Variants in SGPP2 observed in about 807,000 individuals in gnomAD.
The protein encoded by SGPP2 is sphingosine-1-phosphate phosphatase 2.
SGPP2 carries 30 observed loss-of-function variants against 33.9 expected under a neutral mutation model. The ratio of observed to expected loss-of-function variants is 0.89; its 90% confidence interval spans 0.66 to 1.20. The LOEUF (loss-of-function observed/expected upper bound fraction) is 1.20. SGPP2 is among the 50% of genes most tolerant of loss of function. The pLI, the probability that SGPP2 is intolerant of heterozygous loss-of-function variation, is 0.00. For missense variants in SGPP2, 458 were observed against 532.1 expected (o/e 0.86, Z 1.37); for synonymous variants, 233 against 225.0 (o/e 1.04, Z -0.32).
chr2:222,549,193 C>T (rs1212233838), intron 4 of SGPP2, among the ~76,000 whole-genome samples: 1 of 152,236 alleles, frequency 6.6e-6, no homozygotes, highest in African/African-American at 2.4e-5. Flanking sequence ...TAAATAGTTT[C>T]AAGATCTGAA....
intron 4 of SGPP2, among the ~76,000 whole-genome samples, chr2:222,556,116 G>A (rs1346568726): frequency 6.6e-6 from 1 of 152,164 alleles, no homozygotes; most frequent in Non-Finnish European, 1.5e-5. Context: ...TTTGAGAGTG[G>A]CGTATCATCT....
chr2:222,452,533 G>A, intron 1 of SGPP2: 1 of 1,032,686 alleles, frequency 9.7e-7, no homozygotes. Flanking sequence ...AAACTGGCAG[G>A]AGAATTTGGC....
intron 1 of SGPP2, among the ~76,000 whole-genome samples, chr2:222,446,240 G>A (rs1165082400): frequency 1.3e-5 from 2 of 152,170 alleles, no homozygotes; most frequent in African/African-American, 4.8e-5. Flanking sequence ...GTCATTGGAA[G>A]GTGGTGACTT....
intron 2 of SGPP2, among the ~76,000 whole-genome samples, chr2:222,480,511 A>C (rs989979913): frequency 3.3e-5 from 5 of 152,244 alleles, no homozygotes; most frequent in Non-Finnish European, 2.9e-5. Flanking sequence ...GCTGGTTCAA[A>C]GGTGAGCCAC....
At chr2:222,485,095 G>A (rs1698084745) in intron 2 of SGPP2, among the ~76,000 whole-genome samples, 1 of 152,194 alleles carries the variant, frequency 6.6e-6, no homozygotes, top group Non-Finnish European at 1.5e-5. Context: ...GACACAACCA[G>A]TAAATAGAAT....
At chr2:222,538,764 G>A (rs562550921) in intron 4 of SGPP2, among the ~76,000 whole-genome samples, 3 of 152,278 alleles carry the variant, frequency 2.0e-5, no homozygotes, top group African/African-American at 7.2e-5. Flanking sequence ...GCAAGAAAGA[G>A]AGTGGGGAGG....
intron 4 of SGPP2, among the ~76,000 whole-genome samples, chr2:222,537,361 G>C (rs1217613178): frequency 6.6e-6 from 1 of 151,960 alleles, no homozygotes; most frequent in Non-Finnish European, 1.5e-5. Context: ...ATAGACAAAG[G>C]GTAAATACAA....
At chr2:222,497,330 G>A (rs1698297624) in intron 2 of SGPP2, among the ~76,000 whole-genome samples, 1 of 141,654 alleles carries the variant, frequency 7.1e-6, no homozygotes. Context: ...TCGGCTCACT[G>A]CAACCTCCGC....
intron 2 of SGPP2, among the ~76,000 whole-genome samples, chr2:222,505,130 G>C (rs1285775489): frequency 6.6e-6 from 1 of 152,182 alleles, no homozygotes; most frequent in Non-Finnish European, 1.5e-5. Flanking sequence ...TGGATAGTGA[G>C]AGATATTCAT....
intron 1 of SGPP2, among the ~76,000 whole-genome samples, chr2:222,450,941 T>A (rs1206380053): frequency 3.3e-5 from 5 of 152,198 alleles, no homozygotes; most frequent in African/African-American, 9.7e-5. Flanking sequence ...ATCTTTTTTT[T>A]AACTATTTAA....
chr2:222,531,987 T>C (rs186555964), intron 4 of SGPP2, among the ~76,000 whole-genome samples: 195 of 152,232 alleles, frequency 1.3e-3, no homozygotes, highest in African/African-American at 4.6e-3. Flanking sequence ...AATGGCTCTC[T>C]CTAGGCTAGG....
chr2:222,551,095 A>AT (rs1689286313), intron 4 of SGPP2, among the ~76,000 whole-genome samples: 1 of 152,200 alleles, frequency 6.6e-6, no homozygotes, highest in Admixed American at 6.5e-5. Flanking sequence ...TTCCCTTATC[A>AT]TGCCTTTTGC....
intron 2 of SGPP2, among the ~76,000 whole-genome samples, chr2:222,512,530 T>C (rs1698545014): frequency 6.6e-6 from 1 of 152,200 alleles, no homozygotes; most frequent in Non-Finnish European, 1.5e-5. Context: ...TTCTTGGTGC[T>C]GTATGTTTAT....
intron 2 of SGPP2, among the ~76,000 whole-genome samples, chr2:222,506,573 G>C (rs554451944): frequency 1.3e-5 from 2 of 152,222 alleles, no homozygotes; most frequent in African/African-American, 2.4e-5. Flanking sequence ...CAAGAATACA[G>C]TATATAATAC....
intron 4 of SGPP2, among the ~76,000 whole-genome samples, chr2:222,545,195 G>A (rs190623644): frequency 2.0e-5 from 3 of 151,420 alleles, no homozygotes; most frequent in Non-Finnish European, 4.4e-5. Context: ...TCTTCGCTCC[G>A]TGTCTTTTTT....
chr2:222,518,200 A>G (rs1173503375), intron 2 of SGPP2, among the ~76,000 whole-genome samples: 3 of 152,228 alleles, frequency 2.0e-5, no homozygotes, highest in African/African-American at 7.2e-5. Context: ...TTTGAAAATT[A>G]TTAATGAGAC....
At chr2:222,468,740 C>T (rs1697791942) in intron 1 of SGPP2, among the ~76,000 whole-genome samples, 1 of 152,210 alleles carries the variant, frequency 6.6e-6, no homozygotes, top group Non-Finnish European at 1.5e-5. Flanking sequence ...GTCATACATT[C>T]TCAATGTTCT....
intron 2 of SGPP2, among the ~76,000 whole-genome samples, chr2:222,515,381 C>T (rs756273515): frequency 8.6e-5 from 13 of 151,998 alleles, no homozygotes; most frequent in African/African-American, 1.7e-4. Flanking sequence ...CAGGCTGGAG[C>T]GCAGTGGCAT....
At chr2:222,432,776 C>A (rs1259797615) in intron 1 of SGPP2, among the ~76,000 whole-genome samples, 1 of 152,104 alleles carries the variant, frequency 6.6e-6, no homozygotes, top group African/African-American at 2.4e-5. Context: ...AATCCCAGCA[C>A]TTTAGGAGGC....
Sources: allele counts gnomAD v4.1 joint callset (sites outside exome capture counted in the v4.1 genomes callset), GRCh38; gene constraint gnomAD v4.1.1; transcripts MANE v1.5; gene names NCBI Gene and HGNC (gene_info 2026-07-23, HGNC 2026-07-21).